Variants in DTNA observed in about 807,000 individuals in gnomAD.
The protein encoded by DTNA is dystrobrevin alpha.
Under a neutral mutation model 100.7 loss-of-function variants are expected in DTNA, and 43 were observed. The observed-to-expected ratio is 0.43, with a 90% CI of 0.33 to 0.55. The LOEUF (loss-of-function observed/expected upper bound fraction) is 0.55. Ranked by LOEUF, DTNA falls within the 20% of genes least tolerant of loss-of-function variation. DTNA has a pLI of 0.04. For synonymous variants in DTNA, 349 were observed against 347.9 expected, an observed-to-expected ratio of 1.00 and a Z score of -0.04; for missense variants, 798 against 953.9, an observed-to-expected ratio of 0.84 and a Z score of 2.15.
At chr18:34,658,351 T>G (rs2074690468) in intron 1 of DTNA, among the ~76,000 whole-genome samples, 1 of 152,154 alleles carries the variant, frequency 6.6e-6, no homozygotes, top group Non-Finnish European at 1.5e-5. Flanking sequence ...AAAATTCTTT[T>G]GTTTCTTTGT....
intron 11 of DTNA, among the ~76,000 whole-genome samples, chr18:34,831,852 A>G (rs2096018502): frequency 6.6e-6 from 1 of 152,208 alleles, no homozygotes; most frequent in Admixed American, 6.5e-5. Flanking sequence ...CCAAATCCTG[A>G]TCCCTCCAAG....
intron 1 of DTNA, among the ~76,000 whole-genome samples, chr18:34,523,170 C>A (rs2042302496): frequency 6.6e-6 from 1 of 151,942 alleles, no homozygotes; most frequent in African/African-American, 2.4e-5. Context: ...TAATATTTTC[C>A]AAAAAAAGAC....
intron 1 of DTNA, among the ~76,000 whole-genome samples, chr18:34,685,979 C>T (rs1011869198): frequency 1.3e-5 from 2 of 152,186 alleles, no homozygotes; most frequent in Non-Finnish European, 2.9e-5. Context: ...GAATTTTGCA[C>T]ATTGGTTTTG....
intron 1 of DTNA, among the ~76,000 whole-genome samples, chr18:34,600,218 T>TA (rs1388841005): frequency 6.6e-6 from 1 of 152,194 alleles, no homozygotes; most frequent in Non-Finnish European, 1.5e-5. Flanking sequence ...GTGTATTTTT[T>TA]ATTACATATT....
At chr18:34,677,918 G>T (rs2077586072) in intron 1 of DTNA, among the ~76,000 whole-genome samples, 1 of 152,146 alleles carries the variant, frequency 6.6e-6, no homozygotes, top group South Asian at 2.1e-4. Context: ...ATAAAGAACT[G>T]CCCATGACTG....
intron 1 of DTNA, among the ~76,000 whole-genome samples, chr18:34,753,366 A>ATTTTTTTTTTTTT (rs757853063): frequency 7.5e-6 from 1 of 133,150 alleles, no homozygotes; most frequent in African/African-American, 3.2e-5. Flanking sequence ...TATTTATTTT[A>ATTTTTTTTTTTTT]TTTTTTTTTT....
intron 1 of DTNA, among the ~76,000 whole-genome samples, chr18:34,734,299 G>C (rs890478663): frequency 6.6e-6 from 1 of 152,118 alleles, no homozygotes; most frequent in African/African-American, 2.4e-5. Context: ...TATGGGTCAG[G>C]GAGGGGATGT....
chr18:34,761,388 C>T (rs2093160913), intron 2 of DTNA, among the ~76,000 whole-genome samples: 1 of 151,236 alleles, frequency 6.6e-6, no homozygotes, highest in South Asian at 2.1e-4. Flanking sequence ...GTTCAGAGTG[C>T]AAAAGCTAAA....
chr18:34,639,159 A>G (rs1363967208), intron 1 of DTNA, among the ~76,000 whole-genome samples: 4 of 152,176 alleles, frequency 2.6e-5, no homozygotes, highest in African/African-American at 9.6e-5. Context: ...TATTTTAGGT[A>G]CTACTGATAC....
chr18:34,515,817 T>G (rs915452305), intron 1 of DTNA, among the ~76,000 whole-genome samples: 5 of 152,110 alleles, frequency 3.3e-5, no homozygotes. Context: ...TTCATATTCT[T>G]CTGTCAAACT....
intron 1 of DTNA, among the ~76,000 whole-genome samples, chr18:34,732,753 A>G (rs527668951): frequency 1.3e-5 from 2 of 152,378 alleles, no homozygotes; most frequent in South Asian, 4.1e-4. Flanking sequence ...AAAGCACATG[A>G]GGCTCAGTTA....
chr18:34,833,316 C>T lies in DTNA; in HGVS notation c.1175+3827C>T, dbSNP rs139523250. ...CTGAAGTAAAATTATTGGCATCAGT[C>T]GTCACCCTTCAAAGCTAAGGGGATA... On this transcript the variant is annotated intron_variant, in intron 11 of 22. Coordinates refer to ENST00000444659, the MANE Select transcript of DTNA (RefSeq NM_001386795.1). Among the ~76,000 whole-genome samples, 17 of 152,018 alleles carry T rather than the reference C, an allele frequency of 1.1e-4. No individual in the cohort carries two copies. In the East Asian group the frequency reaches 3.1e-3, roughly 28 times the overall value.
chr18:34,684,226 A>G (rs2078538849), intron 1 of DTNA, among the ~76,000 whole-genome samples: 1 of 152,086 alleles, frequency 6.6e-6, no homozygotes, highest in South Asian at 2.1e-4. Context: ...GCATACAGGT[A>G]CCATGGTGCT....
At chr18:34,691,152 C>T (rs2079699825) in intron 1 of DTNA, among the ~76,000 whole-genome samples, 1 of 152,168 alleles carries the variant, frequency 6.6e-6, no homozygotes, top group Admixed American at 6.5e-5. Context: ...CGTCATATAG[C>T]ACACCTATAT....
intron 2 of DTNA, among the ~76,000 whole-genome samples, chr18:34,759,447 C>A (rs1011988554): frequency 6.6e-6 from 1 of 152,142 alleles, no homozygotes; most frequent in East Asian, 1.9e-4. Flanking sequence ...CAAATCCATT[C>A]CCCTTAGATG....
chr18:34,553,641 T>C (rs1215808103), intron 1 of DTNA, among the ~76,000 whole-genome samples: 1 of 152,090 alleles, frequency 6.6e-6, no homozygotes, highest in African/African-American at 2.4e-5. Context: ...TAGGGAATCC[T>C]TTCCCTATTG....
chr18:34,789,600 A>G (rs535850900), intron 3 of DTNA, among the ~76,000 whole-genome samples: 9 of 152,346 alleles, frequency 5.9e-5, no homozygotes, highest in African/African-American at 2.2e-4. Flanking sequence ...ATAGGCAGGA[A>G]CCACATCTAT....
chr18:34,548,238 C>T (rs2145877837), intron 1 of DTNA, among the ~76,000 whole-genome samples: 1 of 152,196 alleles, frequency 6.6e-6, no homozygotes, highest in East Asian at 1.9e-4. Context: ...CCTACCCTGT[C>T]TCAAAAGACA....
At chr18:34,504,472 T>C (rs2040288699) in intron 1 of DTNA, among the ~76,000 whole-genome samples, 1 of 152,212 alleles carries the variant, frequency 6.6e-6, no homozygotes, top group Non-Finnish European at 1.5e-5. Context: ...TTTTATTGTT[T>C]CCTTTTTGTT....
Sources: allele counts gnomAD v4.1 joint callset (sites outside exome capture counted in the v4.1 genomes callset), GRCh38; gene constraint gnomAD v4.1.1; transcripts MANE v1.5; gene names NCBI Gene and HGNC (gene_info 2026-07-23, HGNC 2026-07-21).